Variants in GAS7 observed in about 807,000 individuals in gnomAD.
The protein encoded by GAS7 is growth arrest-specific protein 7.
In GAS7, 28 loss-of-function variants were observed where a neutral mutation model predicts 71.1. That is an observed-to-expected ratio of 0.39 (90% CI 0.29 to 0.54). The LOEUF (loss-of-function observed/expected upper bound fraction) is 0.54. GAS7 is among the 20% of genes least tolerant of loss of function. GAS7 has a pLI of 0.62. For missense variants in GAS7, 436 were observed against 627.8 expected (o/e 0.69, Z 3.27); for synonymous variants, 258 against 245.8 (o/e 1.05, Z -0.46).
Position 10,034,246 on chromosome 17 carries a change from CG to C in GAS7, c.184-14350del. 2 of 984,280 alleles carry C rather than the reference CG, an allele frequency of 2.0e-6. No individual in the cohort carries two copies. The highest frequency in any genetic ancestry group is 2.4e-6 in the Non-Finnish European group (2 of 829,006). 61.0% of individuals were successfully genotyped at this position (984,280 alleles called of 1,614,324 possible). A position where few individuals can be genotyped will look rare whatever the true frequency, so the allele number is the denominator to read the frequency against. On this transcript the variant is annotated intron_variant, in intron 1 of 13. Transcript: ENST00000432992. The surrounding 1 kb of genome is among the most constrained non-coding windows in gnomAD (Gnocchi z 4.4). The stretch of plus-strand genomic sequence containing the variant: ...CCTCAATTGCTTCATCTCTAAAACA[CG>C]GAAGTTGGACCAGATGGTCTCCAAG...
intron 1 of GAS7, among the ~76,000 whole-genome samples, chr17:10,030,273 T>C (rs1049363150): frequency 6.6e-6 from 1 of 152,096 alleles, no homozygotes; most frequent in Non-Finnish European, 1.5e-5. Flanking sequence ...GGTGGATAGG[T>C]TGGGACCAAA....
chr17:10,194,759 G>T (rs1306206459), intron 1 of GAS7, among the ~76,000 whole-genome samples: 2 of 150,972 alleles, frequency 1.3e-5, no homozygotes, highest in Non-Finnish European at 2.9e-5. Flanking sequence ...GGATCACAAG[G>T]TGAGGAGATC....
chr17:9,970,471 A>G (rs1303528597), intron 3 of GAS7, among the ~76,000 whole-genome samples: 1 of 151,824 alleles, frequency 6.6e-6, no homozygotes, highest in Non-Finnish European at 1.5e-5. Context: ...CTCTACTAAA[A>G]ATACAAAAAA....
chr17:10,126,577 AAC>A (rs936604423), intron 1 of GAS7, among the ~76,000 whole-genome samples: 20 of 150,722 alleles, frequency 1.3e-4, no homozygotes, highest in East Asian at 3.9e-4. Context: ...CACTCTCGAA[AAC>A]ACACACATTC....
chr17:10,058,200 C>A (rs1222515049), intron 1 of GAS7, among the ~76,000 whole-genome samples: 1 of 152,168 alleles, frequency 6.6e-6, no homozygotes, highest in Non-Finnish European at 1.5e-5. Context: ...TGTCCTATGA[C>A]CCTGCCAAAT....
intron 2 of GAS7, among the ~76,000 whole-genome samples, chr17:10,016,717 C>T (rs2072033292): frequency 6.7e-6 from 1 of 148,514 alleles, no homozygotes; most frequent in Admixed American, 6.7e-5. Flanking sequence ...AATTCAAGAC[C>T]AGCCTGGGTA....
At chr17:10,198,160 C>T (rs763868501) in intron 1 of GAS7, 48 bp downstream of exon 1, 1 of 1,562,884 alleles carries the variant, frequency 6.4e-7, no homozygotes, top group Non-Finnish European at 8.7e-7. Flanking sequence ...CGCGAGCGCA[C>T]CGAGGACCGC....
In GAS7 at chr17:10,191,395, C is replaced by T. The variant is rs950039992; in HGVS notation, c.183+6813G>A. ...GACCAGTCTGAGAAACATGGTGAAA[C>T]CCTGTCTCTACAAAAAATACAAAAA... On this transcript the variant is annotated intron_variant, in intron 1 of 13. Transcript: ENST00000432992. Among the ~76,000 whole-genome samples, 3 of 151,266 alleles carry T rather than the reference C, an allele frequency of 2.0e-5. No individual in the cohort carries two copies. In the East Asian group the frequency reaches 5.8e-4, roughly 29 times the overall value.
At chr17:9,917,492 A>C in intron 13 of GAS7, 151 bp from the exon 14 acceptor site, 1 of 632,824 alleles carries the variant, frequency 1.6e-6, no homozygotes, top group Non-Finnish European at 2.9e-6. Context: ...TCTGAGGGAC[A>C]GCACATGAAG....
At chr17:10,144,945 C>G (rs1003276659) in intron 1 of GAS7, among the ~76,000 whole-genome samples, 7 of 152,252 alleles carry the variant, frequency 4.6e-5, no homozygotes, top group African/African-American at 1.7e-4. Flanking sequence ...TCCTGCCCGT[C>G]TCTGATTAGA....
chr17:10,004,019 ACT>A (rs1362664452), intron 2 of GAS7, among the ~76,000 whole-genome samples: 1 of 152,090 alleles, frequency 6.6e-6, no homozygotes, highest in Admixed American at 6.6e-5. Flanking sequence ...CGTCTCAAAC[ACT>A]GGTGGGTGAT....
intron 2 of GAS7, among the ~76,000 whole-genome samples, chr17:9,992,589 AT>A (rs910730092): frequency 1.7e-4 from 26 of 149,106 alleles, no homozygotes; most frequent in Non-Finnish European, 2.4e-4. Context: ...AATTTTATTT[AT>A]TTTTTTTAAT....
At chr17:10,049,090 A>T (rs139308313) in intron 1 of GAS7, among the ~76,000 whole-genome samples, 1 of 152,340 alleles carries the variant, frequency 6.6e-6, no homozygotes, top group East Asian at 1.9e-4. Context: ...GCGCATACCA[A>T]CAATGAGGAC....
At chr17:9,929,791 T>C (rs8067561) in intron 9 of GAS7, among the ~76,000 whole-genome samples, 5,587 of 152,042 alleles carry the variant, frequency 0.037, 276 homozygotes, top group African/African-American at 0.09. Flanking sequence ...TAAGTACTTT[T>C]AAAAGACAGT....
intron 1 of GAS7, 82 bp from the exon 2 acceptor site, chr17:10,019,979 T>C (rs2152206348): frequency 7.4e-7 from 1 of 1,350,736 alleles, no homozygotes; most frequent in East Asian, 2.3e-5. Flanking sequence ...GGCTGATGAA[T>C]TCACCCTACA....
At chr17:10,051,673 CT>C (rs2073064480) in intron 1 of GAS7, among the ~76,000 whole-genome samples, 1 of 152,172 alleles carries the variant, frequency 6.6e-6, no homozygotes, top group Non-Finnish European at 1.5e-5. Context: ...AAACATGGTC[CT>C]TGACCAAGAA....
At chr17:10,014,972 G>A (rs1454904163) in intron 2 of GAS7, among the ~76,000 whole-genome samples, 1 of 152,018 alleles carries the variant, frequency 6.6e-6, no homozygotes, top group African/African-American at 2.4e-5. Context: ...TGGCCAACAT[G>A]GTGAAACCCT....
intron 1 of GAS7, among the ~76,000 whole-genome samples, chr17:10,023,124 T>A (rs2072334971): frequency 6.6e-6 from 1 of 152,170 alleles, no homozygotes; most frequent in African/African-American, 2.4e-5. Flanking sequence ...GGCCATGAGA[T>A]GCTGAAAGAG....
chr17:9,940,236 C>G, intron 7 of GAS7, 36 bp from the exon 8 acceptor site: 1 of 1,546,542 alleles, frequency 6.5e-7, no homozygotes, highest in South Asian at 1.1e-5. Flanking sequence ...CATCAGCTCT[C>G]CAGTGCCAGA....
Sources: allele counts gnomAD v4.1 joint callset (sites outside exome capture counted in the v4.1 genomes callset), GRCh38; gene constraint gnomAD v4.1.1; non-coding constraint Gnocchi (gnomAD v3.1); transcripts MANE v1.5; gene names NCBI Gene and HGNC (gene_info 2026-07-23, HGNC 2026-07-21).